CLECL1: variants seen among roughly 807,000 people sequenced by gnomAD.
The protein encoded by CLECL1 is C-type lectin-like domain family 1.
chr12:9,726,939 G>A (rs1412840426), intron 3 of CLECL1, among the ~76,000 whole-genome samples: 3 of 151,828 alleles, frequency 2.0e-5, no homozygotes, highest in Non-Finnish European at 1.5e-5. Context: ...AAACACCAAT[G>A]TAAAATCTTA....
At chr12:9,724,999 G>T (rs748715990) in intron 3 of CLECL1, among the ~76,000 whole-genome samples, 1 of 152,174 alleles carries the variant, frequency 6.6e-6, no homozygotes. Context: ...AACTATGGGG[G>T]CTAGAATACA....
intron 1 of CLECL1, among the ~76,000 whole-genome samples, chr12:9,731,302 T>C (rs944123283): frequency 4.6e-5 from 7 of 152,224 alleles, no homozygotes; most frequent in African/African-American, 1.4e-4. Flanking sequence ...ATTTTACTTA[T>C]CAAGCATCTA....
chr12:9,718,375 ATTAGT>A (rs993899884), downstream of CLECL1, among the ~76,000 whole-genome samples: 2 of 149,652 alleles, frequency 1.3e-5, no homozygotes, highest in Non-Finnish European at 3.0e-5. Context: ...TTTTTTGTCT[ATTAGT>A]TTAATTAGTT....
At chr12:9,716,937 C>T (rs777202659) in intron 2 of CLECL1, among the ~76,000 whole-genome samples, 7 of 152,176 alleles carry the variant, frequency 4.6e-5, no homozygotes, top group Non-Finnish European at 8.8e-5. Flanking sequence ...CTTCTGTGAA[C>T]GGGATGTAAA....
chr12:9,708,720 T>C, the CLECL1 span, among the ~76,000 whole-genome samples: 3 of 152,206 alleles, frequency 2.0e-5, no homozygotes, highest in Non-Finnish European at 4.4e-5. Flanking sequence ...CCTACCGCAT[T>C]GGTACCTATG....
chr12:9,723,485 A>G (rs1367023674), intron 3 of CLECL1, among the ~76,000 whole-genome samples: 1 of 152,024 alleles, frequency 6.6e-6, no homozygotes, highest in East Asian at 1.9e-4. Flanking sequence ...ACCTGAAGCC[A>G]TTGAAGAGTG....
chr12:9,733,714 A>C (rs1866482713), upstream of CLECL1, among the ~76,000 whole-genome samples: 1 of 151,966 alleles, frequency 6.6e-6, no homozygotes, highest in Non-Finnish European at 1.5e-5. Flanking sequence ...AATGACATAA[A>C]AGAAAAAAAT....
chr12:9,712,134 T>C (rs1410618285), downstream of CLECL1, among the ~76,000 whole-genome samples: 1 of 152,206 alleles, frequency 6.6e-6, no homozygotes, highest in Non-Finnish European at 1.5e-5. Flanking sequence ...TAAAGATATA[T>C]CTACCTTAAA....
downstream of CLECL1, among the ~76,000 whole-genome samples, chr12:9,717,868 G>GTTTTTT (rs776897374): frequency 1.7e-4 from 26 of 149,144 alleles, no homozygotes; most frequent in African/African-American, 6.2e-4. Flanking sequence ...TTCTTTTTCT[G>GTTTTTT]TTTTTTTTTC....
At chr12:9,706,667 G>A in the CLECL1 span, among the ~76,000 whole-genome samples, 6 of 152,162 alleles carry the variant, frequency 3.9e-5, no homozygotes, top group African/African-American at 1.4e-4. Context: ...TTATTGGTTG[G>A]TGTATGTTGA....
At position 9,723,700 on chromosome 12, in the gene CLECL1, A is replaced by G. The variant is rs367846531; in HGVS notation, n.263-887T>C. ...GAGAAACCACAGATGCTGAAAATGA[A>G]GAATCAATTCCATAAAATCAAAAAC... is the stretch of plus-strand genomic sequence containing the variant. On this transcript the variant is annotated intron_variant and non_coding_transcript_variant, in intron 3 of 3. Transcript: ENST00000621400. Among the ~76,000 whole-genome samples the G allele has an allele frequency of 2.0e-5, 3 of 152,314 alleles. No individual in the cohort carries two copies. In the East Asian group the frequency reaches 5.8e-4, roughly 29 times the overall value.
downstream of CLECL1, chr12:9,718,914 A>G: frequency 1.7e-6 from 1 of 584,410 alleles, no homozygotes; most frequent in Non-Finnish European, 3.0e-6. Context: ...AAACAGCCCT[A>G]GCATATTAAT....
At chr12:9,708,150 A>G in the CLECL1 span, among the ~76,000 whole-genome samples, 2 of 152,194 alleles carry the variant, frequency 1.3e-5, no homozygotes, top group Non-Finnish European at 2.9e-5. Context: ...TGCCAATGGA[A>G]CATTCCCTCC....
At chr12:9,733,614 T>A (rs2121073010), upstream of CLECL1, among the ~76,000 whole-genome samples, 1 of 152,222 alleles carries the variant, frequency 6.6e-6, no homozygotes. Flanking sequence ...AACATTAAAC[T>A]GAGGTAAAAC....
chr12:9,712,128 G>A (rs1482993153), downstream of CLECL1, among the ~76,000 whole-genome samples: 6 of 152,148 alleles, frequency 3.9e-5, no homozygotes, highest in Non-Finnish European at 8.8e-5. Context: ...TTAAGGTAAA[G>A]ATATATCTAC....
downstream of CLECL1, among the ~76,000 whole-genome samples, chr12:9,717,687 C>T (rs995718422): frequency 1.3e-5 from 2 of 152,260 alleles, no homozygotes; most frequent in South Asian, 2.1e-4. Context: ...TAAAAACAAT[C>T]AGTTGACTAT....
downstream of CLECL1, among the ~76,000 whole-genome samples, chr12:9,717,512 A>G (rs767081491): frequency 1.6e-4 from 24 of 152,356 alleles, no homozygotes; most frequent in African/African-American, 5.5e-4. Flanking sequence ...CTTAGATTCA[A>G]TAAAAGAAGT....
rs764055171 is a variant in CLECL1, at chr12:9,732,232, T to C, written n.82+717A>G. On this transcript the variant is annotated intron_variant and non_coding_transcript_variant, in intron 1 of 3. Transcript: ENST00000621400. ...ATACAAAGGAGGAACTTTAAATTAT[T>C]TAAAACACCTACATAAACTCTATGC... 1.1e-4 allele frequency among the ~76,000 whole-genome samples: 17 copies of C among 152,280 alleles called. No individual in the cohort carries two copies. In the South Asian group the frequency reaches 3.5e-3, roughly 32 times the overall value.
chr12:9,703,730 CCG>C, the CLECL1 span, among the ~76,000 whole-genome samples: 67 of 150,298 alleles, frequency 4.5e-4, no homozygotes, highest in African/African-American at 1.6e-3. Flanking sequence ...GAACACTTGC[CCG>C]CATATATATA....
Sources: gnomAD v4.1 joint callset for allele counts (sites outside exome capture counted in the v4.1 genomes callset) on GRCh38, gnomAD v4.1.1 for gene constraint, MANE v1.5 for transcripts, NCBI Gene and HGNC (gene_info 2026-07-23, HGNC 2026-07-21) for gene names.